NRXN1: variants seen among roughly 807,000 people sequenced by gnomAD.
The protein encoded by NRXN1 is neurexin 1, also known as neurexin-1.
NRXN1 carries 39 observed loss-of-function variants against 150.9 expected under a neutral mutation model. The ratio of observed to expected loss-of-function variants is 0.26; its 90% CI spans 0.20 to 0.34. The LOEUF (loss-of-function observed/expected upper bound fraction) is 0.34. Ranked by LOEUF, NRXN1 falls within the 10% of genes least tolerant of loss-of-function variation. NRXN1 has a pLI of 1.00. For missense variants in NRXN1, 1,815 were observed against 1,949.9 expected (o/e 0.93, Z 1.30); for synonymous variants, 924 against 757.0 (o/e 1.22, Z -3.62).
chr2:50,611,575 T>C (rs1277075567), intron 8 of NRXN1, among the ~76,000 whole-genome samples: 2 of 152,140 alleles, frequency 1.3e-5, no homozygotes, highest in Non-Finnish European at 2.9e-5. Context: ...ATTGTTTATT[T>C]CCCTTGCCTC....
intron 17 of NRXN1, among the ~76,000 whole-genome samples, chr2:50,359,269 A>G (rs899174366): frequency 6.6e-6 from 1 of 152,072 alleles, no homozygotes; most frequent in African/African-American, 2.4e-5. Context: ...TGACGAATTG[A>G]CAGAAGTAGG....
intron 5 of NRXN1, among the ~76,000 whole-genome samples, chr2:50,858,759 T>A (rs1675640624): frequency 6.6e-6 from 1 of 152,152 alleles, no homozygotes; most frequent in Admixed American, 6.6e-5. Context: ...ATATTAGGCT[T>A]GTAAATGTAA....
rs533772449 is a variant in NRXN1, at chr2:50,683,382, C to G, written c.833-59767G>C. Among the ~76,000 whole-genome samples, 3 of 150,914 alleles carry G rather than the reference C, an allele frequency of 2.0e-5. No homozygotes were observed. In the East Asian group the frequency reaches 6.0e-4, roughly 30 times the overall value. ...GCGCAGTGGCTTAAGCCTGTAATTC[C>G]AGCACTTTGGGAGGCCGAGGTGGGC... On this transcript the variant is annotated intron_variant, in intron 5 of 22. Coordinates refer to ENST00000401669, the MANE Select transcript of NRXN1 (RefSeq NM_001330078.2).
intron 5 of NRXN1, among the ~76,000 whole-genome samples, chr2:50,736,112 C>G (rs958500864): frequency 1.3e-5 from 2 of 152,076 alleles, no homozygotes; most frequent in African/African-American, 2.4e-5. Context: ...ACATTTCAAC[C>G]CCCCTGCTTC....
At chr2:50,957,619 T>TC in intron 2 of NRXN1, among the ~76,000 whole-genome samples, 1 of 152,182 alleles carries the variant, frequency 6.6e-6, no homozygotes, top group Admixed American at 6.5e-5. Context: ...TGCGGCTTTA[T>TC]CATATGTATG....
chr2:50,762,810 A>C (rs986767401), intron 5 of NRXN1, among the ~76,000 whole-genome samples: 1 of 151,926 alleles, frequency 6.6e-6, no homozygotes. Context: ...ATGCCAGTTC[A>C]TATGTCTTTT....
chr2:50,957,190 C>T (rs528039176), intron 2 of NRXN1, among the ~76,000 whole-genome samples: 1 of 152,172 alleles, frequency 6.6e-6, no homozygotes, highest in Admixed American at 6.5e-5. Flanking sequence ...AGTAAAAGAA[C>T]CTGTTGGTCA....
intron 5 of NRXN1, among the ~76,000 whole-genome samples, chr2:50,782,467 T>TCAAA (rs10599549): frequency 1.1e-4 from 17 of 151,972 alleles, no homozygotes; most frequent in African/African-American, 2.9e-4. Context: ...AGACTCTGTC[T>TCAAA]CAAACAAACA....
At chr2:50,954,509 A>C (rs1691948155) in intron 2 of NRXN1, among the ~76,000 whole-genome samples, 2 of 152,200 alleles carry the variant, frequency 1.3e-5, no homozygotes, top group Admixed American at 1.3e-4. Context: ...ATTAGGGCAT[A>C]GACAGACTCA....
chr2:50,562,652 T>C (rs893818795), intron 8 of NRXN1, among the ~76,000 whole-genome samples: 2 of 152,292 alleles, frequency 1.3e-5, no homozygotes, highest in South Asian at 4.1e-4. Context: ...ATTGACTTGC[T>C]CCACAAAGAG....
intron 18 of NRXN1, among the ~76,000 whole-genome samples, chr2:50,167,184 A>T (rs1406287805): frequency 6.6e-6 from 1 of 152,134 alleles, no homozygotes; most frequent in Admixed American, 6.5e-5. Context: ...CTAAAAGAAA[A>T]CTACAGAGAT....
At chr2:49,945,097 TTAAA>T (rs1349230446) in intron 21 of NRXN1, 2 of 152,146 alleles carry the variant, frequency 1.3e-5, no homozygotes, top group South Asian at 2.1e-4. Context: ...CAATATAACT[TTAAA>T]TAAACACAAA....
chr2:50,826,656 T>C (rs1670487436), intron 5 of NRXN1, among the ~76,000 whole-genome samples: 1 of 152,162 alleles, frequency 6.6e-6, no homozygotes, highest in Admixed American at 6.5e-5. Flanking sequence ...CTAGGTGTAT[T>C]TCGCTTGAAC....
chr2:50,150,162 C>T (rs892289542), intron 18 of NRXN1, among the ~76,000 whole-genome samples: 1 of 151,672 alleles, frequency 6.6e-6, no homozygotes, highest in Non-Finnish European at 1.5e-5. Context: ...CTAAGCTTTG[C>T]TCAAACTACA....
Position 50,666,942 on chromosome 2 carries a change from G to T in NRXN1, c.833-43327C>A, listed in dbSNP as rs35135340. Among the ~76,000 whole-genome samples the T allele has an allele frequency of 2.7e-3, 402 of 151,288 alleles. 1 individual carries two copies. The highest frequency in any genetic ancestry group is 4.6e-3 in the Non-Finnish European group (314 of 67,722). ...ATTTAAAAAACTTTATTGATTCTAG[G>T]ATTAGAGAACACACGCATGGCGTGG... On this transcript the variant is annotated intron_variant, in intron 5 of 22. Coordinates refer to ENST00000401669, the MANE Select transcript of NRXN1 (RefSeq NM_001330078.2).
At chr2:50,338,430 C>T (rs1279130283) in intron 17 of NRXN1, among the ~76,000 whole-genome samples, 1 of 151,760 alleles carries the variant, frequency 6.6e-6, no homozygotes, top group Non-Finnish European at 1.5e-5. Context: ...CCCTGAAAAC[C>T]AAATAGAAGG....
chr2:50,484,349 T>G (rs1447966489), intron 15 of NRXN1, among the ~76,000 whole-genome samples: 2 of 152,202 alleles, frequency 1.3e-5, no homozygotes, highest in Non-Finnish European at 2.9e-5. Flanking sequence ...CACATCCAGT[T>G]GCTATAGTGT....
chr2:50,999,151 A>G lies in NRXN1; in HGVS notation c.772+28351T>C, dbSNP rs536942135. ...TATTTATCCTCTATGCAATTTGTTA[A>G]CATGGTACCTAAGAGTTGACAAAGA... On this transcript the variant is annotated intron_variant, in intron 2 of 22. Transcript: ENST00000401669. 2.0e-5 allele frequency among the ~76,000 whole-genome samples: 3 copies of G among 152,202 alleles called. 1 individual carries two copies. The South Asian group carries it at 6.2e-4, about 32-fold the overall frequency.
intron 5 of NRXN1, among the ~76,000 whole-genome samples, chr2:50,746,868 T>C (rs903376404): frequency 6.6e-5 from 10 of 152,104 alleles, no homozygotes; most frequent in African/African-American, 2.4e-4. Context: ...ATAAATATCC[T>C]GTTGTGGAAG....
Sources: gnomAD v4.1 joint callset for allele counts (sites outside exome capture counted in the v4.1 genomes callset) on GRCh38, gnomAD v4.1.1 for gene constraint, MANE v1.5 for transcripts, NCBI Gene and HGNC (gene_info 2026-07-23, HGNC 2026-07-21) for gene names.